PTGR3: variants seen among roughly 807,000 people sequenced by gnomAD.
The protein encoded by PTGR3 is prostaglandin reductase 3, also known as zinc binding alcohol dehydrogenase domain containing 2.
chr18:75,201,452 T>C, the PTGR3 span: 5 of 1,612,988 alleles, frequency 3.1e-6, no homozygotes, highest in East Asian at 1.1e-4. Context: ...GTAATTCAAC[T>C]ACAATTTTTC....
At chr18:75,201,370 A>T in the PTGR3 span, 3 of 1,491,416 alleles carry the variant, frequency 2.0e-6, no homozygotes, top group Non-Finnish European at 2.8e-6. Flanking sequence ...CTGAGACATA[A>T]AGTGCCCATT....
the PTGR3 span, chr18:75,202,464 C>T: frequency 2.5e-6 from 2 of 785,124 alleles, no homozygotes; most frequent in Non-Finnish European, 4.0e-6. Context: ...ACAATCTGAT[C>T]GAATTTGAGA....
At chr18:75,208,476 A>C in the PTGR3 span, 1 of 1,021,280 alleles carries the variant, frequency 9.8e-7, no homozygotes, top group Non-Finnish European at 1.2e-6. Context: ...GATTATGTCA[A>C]CGCAGGAACT....
the PTGR3 span, chr18:75,201,029 C>T: frequency 6.4e-3 from 1,152 of 178,944 alleles, 5 homozygotes; most frequent in Non-Finnish European, 0.01. Context: ...CAAATTCTCC[C>T]AAAGCAAAGA....
chr18:75,204,390 G>C, the PTGR3 span, among the ~76,000 whole-genome samples: 5 of 152,372 alleles, frequency 3.3e-5, no homozygotes, highest in South Asian at 6.2e-4. Context: ...AAGTTTGGGA[G>C]GGGGGAGTGG....
chr18:75,206,728 G>A, the PTGR3 span, among the ~76,000 whole-genome samples: 4 of 152,186 alleles, frequency 2.6e-5, no homozygotes, highest in Non-Finnish European at 4.4e-5. Flanking sequence ...AGAAACTAGG[G>A]GTTAGGTTGT....
the PTGR3 span, chr18:75,202,024 C>T: frequency 6.2e-7 from 1 of 1,614,066 alleles, no homozygotes; most frequent in Non-Finnish European, 8.5e-7. Flanking sequence ...GTCACCAAAA[C>T]TTTTTTCCCT....
At chr18:75,201,241 TCCCCC>T in the PTGR3 span, 1 of 582,752 alleles carries the variant, frequency 1.7e-6, no homozygotes, top group African/African-American at 1.9e-5. Flanking sequence ...TTTTTTTTTT[TCCCCC>T]AAGGGAAGAG....
chr18:75,200,458 G>A, the PTGR3 span: 2 of 152,208 alleles, frequency 1.3e-5, no homozygotes, highest in Non-Finnish European at 1.5e-5. Flanking sequence ...AGAAGCAAAT[G>A]TATTCTTCCT....
the PTGR3 span, among the ~76,000 whole-genome samples, chr18:75,204,327 A>T: frequency 6.6e-6 from 1 of 152,220 alleles, no homozygotes; most frequent in Non-Finnish European, 1.5e-5. Context: ...CAGGACGCAC[A>T]CCGGAGCAGC....
At chr18:75,205,083 T>A in the PTGR3 span, 8 of 910,572 alleles carry the variant, frequency 8.8e-6, no homozygotes, top group Non-Finnish European at 1.1e-5. Flanking sequence ...TTGGTCTCCC[T>A]GCCTCCGGTT....
the PTGR3 span, chr18:75,196,476 A>G: frequency 2.0e-5 from 3 of 151,526 alleles, no homozygotes; most frequent in Non-Finnish European, 4.4e-5. Flanking sequence ...AAAAAAATAC[A>G]AAAAAATTAG....
chr18:75,209,003 C>A, the PTGR3 span: 2 of 1,590,482 alleles, frequency 1.3e-6, no homozygotes, highest in African/African-American at 2.8e-5. The surrounding 1 kb of genome is among the most constrained non-coding windows in gnomAD (Gnocchi z 4.7). Context: ...CAGGAAGTGG[C>A]GGGCGTACGA....
At chr18:75,208,977 C>T in the PTGR3 span, 4 of 1,594,414 alleles carry the variant, frequency 2.5e-6, no homozygotes, top group Admixed American at 1.7e-5. Flanking sequence ...TGGGGAATGG[C>T]GGAGCCCTGG....
chr18:75,208,797 G>C, the PTGR3 span: 4 of 1,348,884 alleles, frequency 3.0e-6, no homozygotes, highest in Admixed American at 7.3e-5. Context: ...GCGCGGCGCG[G>C]CGCGAGCCCG....
chr18:75,208,809 G>A, the PTGR3 span: 6 of 1,395,844 alleles, frequency 4.3e-6, no homozygotes, highest in Non-Finnish European at 5.6e-6. Context: ...GCGAGCCCGG[G>A]GCGAGAACGG....
At chr18:75,208,495 G>T in the PTGR3 span, 38 of 1,039,720 alleles carry the variant, frequency 3.7e-5, no homozygotes, top group Admixed American at 1.1e-4. Flanking sequence ...CTGTGGGTGC[G>T]CGCGGGCGGC....
the PTGR3 span, among the ~76,000 whole-genome samples, chr18:75,203,289 T>C: frequency 6.6e-6 from 1 of 152,150 alleles, no homozygotes; most frequent in Non-Finnish European, 1.5e-5. Flanking sequence ...CTACTAAGAA[T>C]GTCAGAAGGT....
the PTGR3 span, chr18:75,208,595 C>A: frequency 1.1e-6 from 1 of 951,442 alleles, no homozygotes; most frequent in Non-Finnish European, 1.3e-6. Context: ...GGAGGGGAAT[C>A]CCAAATTAAA....
Sources: gnomAD v4.1 joint callset for allele counts (sites outside exome capture counted in the v4.1 genomes callset) on GRCh38, gnomAD v4.1.1 for gene constraint, Gnocchi (gnomAD v3.1) non-coding constraint, MANE v1.5 for transcripts, NCBI Gene and HGNC (gene_info 2026-07-23, HGNC 2026-07-21) for gene names.